CCNT1: variants seen among roughly 807,000 people sequenced by gnomAD.
CCNT1 encodes cyclin-T1.
Under a neutral mutation model 67.3 loss-of-function variants are expected in CCNT1, and 18 were observed. The observed-to-expected ratio is 0.27, with a 90% CI of 0.18 to 0.40. The LOEUF is 0.40. CCNT1 is among the 10% of genes least tolerant of loss of function. The probability of loss-of-function intolerance (pLI) is 1.00; values close to 1 mark genes in which losing one functional copy is unlikely to be tolerated. For missense variants in CCNT1, 744 were observed against 884.9 expected, an observed-to-expected ratio of 0.84 and a Z score of 2.02; for synonymous variants, 333 against 310.3, an observed-to-expected ratio of 1.07 and a Z score of -0.77.
chr12:48,695,399 A>C (rs1337970037), intron 8 of CCNT1, among the ~76,000 whole-genome samples: 1 of 152,272 alleles, frequency 6.6e-6, no homozygotes, highest in Non-Finnish European at 1.5e-5. Context: ...TGTCAAACAC[A>C]AAACTGTGAT....
intron 1 of CCNT1, among the ~76,000 whole-genome samples, chr12:48,716,007 T>G (rs1202775157): frequency 6.6e-6 from 1 of 152,072 alleles, no homozygotes; most frequent in Non-Finnish European, 1.5e-5. Flanking sequence ...CGGCCAAAAA[T>G]TTGAGAGGTC....
chr12:48,703,844 T>C (rs1940311657), intron 3 of CCNT1, among the ~76,000 whole-genome samples: 2 of 151,036 alleles, frequency 1.3e-5, no homozygotes, highest in African/African-American at 2.4e-5. Flanking sequence ...GGGGGATCAC[T>C]GAGCCCGGAA....
At position 48,692,951 on chromosome 12, in the gene CCNT1, G is replaced by A; in HGVS notation, c.*82C>T. ...AGTCCAAGGATGACATATTTCATAA[G>A]TAATTTTCTTAGTCCAAAAAAAAAA... On this transcript the variant is annotated 3_prime_UTR_variant, in exon 9 of 9. Transcript: ENST00000261900. The A allele has an allele frequency of 1.2e-6, 1 of 860,494 alleles. No homozygotes were observed. Among genetic ancestry groups the A allele is most frequent in the Non-Finnish European group, 1.8e-6 (1 of 568,450 alleles). 53.3% of individuals were successfully genotyped at this position (860,494 alleles called of 1,614,324 possible). A position where few individuals can be genotyped will look rare whatever the true frequency, so the allele number is the denominator to read the frequency against.
chr12:48,711,771 C>T (rs374756547), intron 2 of CCNT1, among the ~76,000 whole-genome samples: 6 of 152,136 alleles, frequency 3.9e-5, no homozygotes, highest in East Asian at 1.9e-4. Flanking sequence ...GAAAGCCAAC[C>T]TGGGTGGATC....
intron 3 of CCNT1, chr12:48,705,489 T>A (rs1178365209): frequency 3.2e-6 from 1 of 317,452 alleles, no homozygotes; most frequent in African/African-American, 2.2e-5. Context: ...TCCAGGTTGG[T>A]CTTAAACTTC....
At chr12:48,703,630 T>G (rs1940308163) in intron 3 of CCNT1, among the ~76,000 whole-genome samples, 1 of 151,368 alleles carries the variant, frequency 6.6e-6, no homozygotes, top group African/African-American at 2.4e-5. Flanking sequence ...GGATCCATAA[T>G]AAAAATGTAT....
Position 48,693,808 on chromosome 12 carries a change from C to A in CCNT1, c.1406G>T (p.Gly469Val). ...ALKMRIPVAG[G>V]DKAASSKPEE... ...TGGTTTTGAAGACGCAGCTTTATCT[C>A]CACCTGCCACTGGGATTCTCATTTT... Residue 469 changes from glycine to valine, a missense_variant, in exon 9 of 9, where the codon GGA (glycine) becomes GTA (valine). By Grantham distance (109) the Gly-to-Val change is moderately radical (BLOSUM62 -3). Around this residue, in one of 3 missense-constraint regions of CCNT1, gnomAD observed 564 missense variants for 574.2 expected, o/e 0.98. Coordinates refer to ENST00000261900, the MANE Select transcript of CCNT1 (RefSeq NM_001240.4). The A allele has an allele frequency of 3.7e-6, 6 of 1,614,068 alleles. No homozygotes were observed. The highest frequency in any genetic ancestry group is 3.3e-5 in the South Asian group (3 of 91,076).
Position 48,711,749 on chromosome 12 carries a change from C to T in CCNT1, c.243+2694G>A, listed in dbSNP as rs563411696. 7.9e-5 allele frequency among the ~76,000 whole-genome samples: 12 copies of T among 152,256 alleles called. No homozygotes were observed. The South Asian group carries it at 2.5e-3, about 32-fold the overall frequency. ...CAGGGCATGACTAGAGGTACAGGGG[C>T]TAAGGGCAGAAGAAAGCCAACCTGG... On this transcript the variant is annotated intron_variant, in intron 2 of 8. Transcript: ENST00000261900.
chr12:48,694,225 G>A lies in CCNT1; in HGVS notation c.989C>T (p.Pro330Leu), dbSNP rs1196798343. 5.6e-6 allele frequency: 9 copies of A among 1,614,020 alleles called. No individual in the cohort carries two copies. The highest frequency in any genetic ancestry group is 1.7e-5 in the Admixed American group (1 of 59,998). ...TTGGGAGGACAGCCAACGCTTGCCC[G>A]GCAACATCTCCACACTGGTTAAGTT... ...SSNLTSVEML[P>L]GKRWLSSQPS... is the part of the protein sequence containing the mutation. The change falls in exon 9 of 9, where the codon CCG (proline) becomes CTG (leucine). Residue 330 changes from proline to leucine, a missense_variant. This residue lies in a region of CCNT1 where 564 missense variants were observed against 574.2 expected (regional missense o/e 0.98). Transcript: ENST00000261900.
intron 8 of CCNT1, 105 bp from the exon 9 acceptor site, chr12:48,694,541 GC>G: frequency 1.1e-6 from 1 of 948,560 alleles, no homozygotes; most frequent in Non-Finnish European, 1.6e-6. Flanking sequence ...TTCTGGATAG[GC>G]CACAGGCAGG....
chr12:48,697,535 ATAT>A (rs1327422938), intron 6 of CCNT1, among the ~76,000 whole-genome samples: 72 of 102,906 alleles, frequency 7.0e-4, no homozygotes, highest in East Asian at 2.0e-3. Context: ...AAAAAAAAAA[ATAT>A]ATATATATAT....
At chr12:48,701,886 G>A (rs544679141) in intron 3 of CCNT1, among the ~76,000 whole-genome samples, 157 of 147,646 alleles carry the variant, frequency 1.1e-3, no homozygotes, top group African/African-American at 3.8e-3. Context: ...GATTACAGGC[G>A]TGAGCCACCG....
chr12:48,713,160 A>G (rs907624863), intron 2 of CCNT1, among the ~76,000 whole-genome samples: 1 of 151,640 alleles, frequency 6.6e-6, no homozygotes. Context: ...CTTTATTAGT[A>G]TAATTTTATT....
chr12:48,712,433 G>A (rs564339469), intron 2 of CCNT1, among the ~76,000 whole-genome samples: 28 of 151,208 alleles, frequency 1.9e-4, no homozygotes, highest in African/African-American at 6.6e-4. Context: ...GAAACTCCAC[G>A]CCTGGCTAAT....
intron 2 of CCNT1, among the ~76,000 whole-genome samples, chr12:48,708,693 C>G (rs1201229801): frequency 6.6e-6 from 1 of 152,114 alleles, no homozygotes; most frequent in East Asian, 1.9e-4. Flanking sequence ...ATGGGATATA[C>G]TCTAAAATGT....
At chr12:48,699,115 CAT>C (rs1940226498) in intron 5 of CCNT1, among the ~76,000 whole-genome samples, 1 of 152,126 alleles carries the variant, frequency 6.6e-6, no homozygotes, top group Non-Finnish European at 1.5e-5. Flanking sequence ...TTCCTCAGGA[CAT>C]AGTCTTCTCA....
At chr12:48,705,734 A>G in intron 3 of CCNT1, 34 bp downstream of exon 3, 3 of 1,575,736 alleles carry the variant, frequency 1.9e-6, no homozygotes, top group Non-Finnish European at 2.6e-6. Context: ...AAGGAAAAAA[A>G]TTAAGAAAAA....
intron 3 of CCNT1, among the ~76,000 whole-genome samples, chr12:48,703,110 T>A (rs1024817111): frequency 6.6e-6 from 1 of 151,364 alleles, no homozygotes; most frequent in East Asian, 2.0e-4. Flanking sequence ...GACCATCTAG[T>A]TGCAGGAAAA....
chr12:48,702,687 T>C (rs1039346190), intron 3 of CCNT1, among the ~76,000 whole-genome samples: 1 of 152,224 alleles, frequency 6.6e-6, no homozygotes, highest in Admixed American at 6.5e-5. Flanking sequence ...ATAGAGTGAA[T>C]GCAGGTAGTA....
Sources: allele counts gnomAD v4.1 joint callset (sites outside exome capture counted in the v4.1 genomes callset), GRCh38; gene constraint gnomAD v4.1.1; regional missense constraint gnomAD v4.1.1; transcripts MANE v1.5; gene names NCBI Gene and HGNC (gene_info 2026-07-23, HGNC 2026-07-21).